The following TNK2 variants were observed in gnomAD, a reference collection of about 807,000 sequenced individuals.
The protein encoded by TNK2 is tyrosine kinase non receptor 2.
Under a neutral mutation model 101.8 loss-of-function variants are expected in TNK2, and 83 were observed. The ratio of observed to expected loss-of-function variants is 0.82; its 90% CI spans 0.68 to 0.98. The LOEUF (loss-of-function observed/expected upper bound fraction) is 0.98. TNK2 is among the 50% of genes least tolerant of loss of function. The pLI is 0.00. For synonymous variants in TNK2, 804 were observed against 633.0 expected (o/e 1.27, Z -4.06); for missense variants, 1,665 against 1,483.2 (o/e 1.12, Z -2.01).
Position 195,885,311 on chromosome 3 carries a change from T to C in TNK2, c.235-278A>G. Reference sequence around the variant, plus strand: ...GGCTGAGCGGCCCCACACCCAGCTGTGTGGAGAGGGAGGGCACCGCCCAGC... The same window carrying C: ...GGCTGAGCGGCCCCACACCCAGCTGCGTGGAGAGGGAGGGCACCGCCCAGC... On this transcript the variant is annotated intron_variant, in intron 3 of 15. Transcript: ENST00000672887. This position sits in a 1 kb window ranked among gnomAD's most constrained non-coding sequence, Gnocchi z 4.7. 3.7e-6 allele frequency: 5 copies of C among 1,362,390 alleles called. No homozygotes were observed. Among genetic ancestry groups the C allele is most frequent in the Non-Finnish European group, 4.8e-6 (5 of 1,037,902 alleles). The allele number at this position is 1,362,390 out of a possible 1,614,324, so 84.4% of individuals were successfully genotyped here.
intron 1 of TNK2, chr3:195,895,144 C>G: frequency 8.6e-7 from 1 of 1,163,266 alleles, no homozygotes; most frequent in East Asian, 3.1e-5. Context: ...CAGACACTCT[C>G]ACTCCTGAGG....
At chr3:195,889,879 A>T (rs533189638) in intron 1 of TNK2, among the ~76,000 whole-genome samples, 1 of 152,170 alleles carries the variant, frequency 6.6e-6, no homozygotes, top group Non-Finnish European at 1.5e-5. Context: ...GAGAGAAAAA[A>T]GGCCAGCTGC....
chr3:195,883,371 C>G, intron 4 of TNK2, 62 bp from the exon 5 acceptor site: 4 of 1,589,474 alleles, frequency 2.5e-6, no homozygotes, highest in Non-Finnish European at 3.4e-6. Flanking sequence ...GCGGAGCCAA[C>G]CTGCTCCACC....
At chr3:195,902,447 A>G (rs1298220814) in intron 1 of TNK2, among the ~76,000 whole-genome samples, 1 of 151,952 alleles carries the variant, frequency 6.6e-6, no homozygotes, top group Admixed American at 6.6e-5. Context: ...GTGAAACCCC[A>G]TCTCTACTAA....
chr3:195,904,740 A>C (rs993203816), intron 1 of TNK2, among the ~76,000 whole-genome samples: 1 of 152,264 alleles, frequency 6.6e-6, no homozygotes, highest in African/African-American at 2.4e-5. Context: ...AGGAAAAACC[A>C]GTATCATTTA....
chr3:195,868,856 G>T, intron 12 of TNK2, 147 bp from the exon 13 acceptor site: 1 of 964,054 alleles, frequency 1.0e-6, no homozygotes, highest in Non-Finnish European at 1.5e-6. Flanking sequence ...AGCCACCGGC[G>T]GCCAGGTTCT....
intron 6 of TNK2, among the ~76,000 whole-genome samples, chr3:195,880,031 C>T (rs1751519043): frequency 6.6e-6 from 1 of 152,128 alleles, no homozygotes; most frequent in South Asian, 2.1e-4. Flanking sequence ...GTTAAGATGA[C>T]CATGCGTCCT....
At position 195,882,831 on chromosome 3, in the gene TNK2, C is replaced by A. The variant is rs1445678800; in HGVS notation, c.609+326G>T. ...CTAGATCATGCCATTGCACTCCAGCCTGGGCGACAAAGTGAGACTCCATCT... is the reference window on the plus strand; with the variant it reads ...CTAGATCATGCCATTGCACTCCAGCATGGGCGACAAAGTGAGACTCCATCT... On this transcript the variant is annotated intron_variant, in intron 5 of 15. Coordinates refer to ENST00000672887, the MANE Select transcript of TNK2 (RefSeq NM_001382273.1). This position sits in a 1 kb window ranked among gnomAD's most constrained non-coding sequence, Gnocchi z 4.2. 6.6e-6 allele frequency among the ~76,000 whole-genome samples: 1 copy of A among 152,198 alleles called. No homozygotes were observed. Among genetic ancestry groups the A allele is most frequent in the South Asian group, 2.1e-4 (1 of 4,828 alleles).
intron 10 of TNK2, 21 bp from the exon 11 acceptor site, chr3:195,870,226 T>C (rs1744077547): frequency 3.7e-6 from 6 of 1,600,484 alleles, no homozygotes; most frequent in Non-Finnish European, 5.1e-6. Flanking sequence ...GAGAGCTGGG[T>C]CAAGAGAGCA....
rs1187598943 is a variant in TNK2, at chr3:195,870,103, G to C, written c.1543+11C>G. ...TGAGTTAGGGACACCAGGGAGCAGA[G>C]GGGCTCTTACTTTTCACCCCTCCTA... On this transcript the variant is annotated intron_variant, in intron 11 of 15. Transcript: ENST00000672887. The C allele has an allele frequency of 6.9e-7, 1 of 1,454,212 alleles. No individual in the cohort carries two copies. The highest frequency in any genetic ancestry group is 1.4e-5 in the African/African-American group (1 of 69,880). 90.1% of individuals were successfully genotyped at this position (1,454,212 alleles called of 1,614,324 possible).
rs747276199 is a variant in TNK2 at position 195,868,214 on chromosome 3, G to A, written c.2084C>T (p.Pro695Leu). The change falls in exon 13 of 16, where the codon CCC becomes CTC. Residue 695 changes from proline to leucine, a missense_variant. Pro to Leu is a moderately conservative substitution (Grantham distance 98). Around this residue, in one of 3 missense-constraint regions of TNK2, gnomAD observed 1,136 missense variants for 894.9 expected, o/e 1.27. Coordinates refer to ENST00000672887, the MANE Select transcript of TNK2 (RefSeq NM_001382273.1). ...YAFVPEQARP[P>L]PPLEDNLFLP... ...GAACAGGTTGTCCTCCAGGGGAGGG[G>A]GCGGCCGCGCCTGCTCAGGCACAAA... The A allele has an allele frequency of 1.2e-6, 2 of 1,607,260 alleles. No individual in the cohort carries two copies. Among genetic ancestry groups the A allele is most frequent in the Non-Finnish European group, 1.7e-6 (2 of 1,179,002 alleles).
chr3:195,876,954 C>G (rs1749733058), intron 9 of TNK2, among the ~76,000 whole-genome samples: 1 of 152,210 alleles, frequency 6.6e-6, no homozygotes, highest in Admixed American at 6.5e-5. Flanking sequence ...TGGTAAAGAT[C>G]TGGGGCTCCG....
At chr3:195,875,518 G>C (rs960551209) in intron 9 of TNK2, among the ~76,000 whole-genome samples, 6 of 151,868 alleles carry the variant, frequency 4.0e-5, no homozygotes, top group Non-Finnish European at 5.9e-5. Context: ...TCATCCCAAG[G>C]CTCCAGTGGG....
rs1743420488 is a variant in TNK2, at chr3:195,869,538, TC to T, written c.1546del (p.Glu516SerfsTer21). On this transcript the variant is annotated frameshift_variant and splice_region_variant, in exon 12 of 16. Transcript: ENST00000672887. LOFTEE classifies it high-confidence loss of function. ...PPQHLGGVKR[E>X]PPPRPPQPAF... ...AGGCTGAGGTGGGCGAGGTGGAGGC[TC>T]CCCTGCAAGAAAGGCCATGCGGACA... The T allele has an allele frequency of 1.3e-6, 2 of 1,550,702 alleles. No homozygotes were observed. Among genetic ancestry groups the T allele is most frequent in the Non-Finnish European group, 8.7e-7 (1 of 1,146,914 alleles).
chr3:195,904,406 T>TAGGCCGAGGTGAAATAAGCC (rs1432897924), intron 1 of TNK2, among the ~76,000 whole-genome samples: 1 of 152,046 alleles, frequency 6.6e-6, no homozygotes, highest in African/African-American at 2.4e-5. Flanking sequence ...TTGAATACGC[T>TAGGCCGAGGTGAAATAAGCC]AGGCCGAGGT....
chr3:195,871,889 T>TTCCCCTGGAGAACGCTCCCCGGAGAACCC (rs1272898413), intron 10 of TNK2, among the ~76,000 whole-genome samples: 9 of 147,130 alleles, frequency 6.1e-5, no homozygotes, highest in Non-Finnish European at 1.4e-4. Flanking sequence ...AGGGACAGCA[T>TTCCCCTGGAGAACGCTCCCCGGAGAACCC]TCCCCTGGAG....
In TNK2 at chr3:195,868,951, CCGT is replaced by C. The variant is rs2149248471; in HGVS notation, c.1589-245_1589-243del. The C allele has an allele frequency of 1.3e-5, 7 of 550,056 alleles. No individual in the cohort carries two copies. In the East Asian group the frequency reaches 1.9e-4, roughly 15 times the overall value. The allele number at this position is 550,056 out of a possible 1,614,324, so 34.1% of individuals were successfully genotyped here. ...GTGGGCCGGTGAGCCCCGCCTCGCTCCGTCTAAGCTGCAGCAAGCAACACTGGC... is the reference window on the plus strand; with the variant it reads ...GTGGGCCGGTGAGCCCCGCCTCGCTCCTAAGCTGCAGCAAGCAACACTGGC... On this transcript the variant is annotated intron_variant, in intron 12 of 15. Transcript: ENST00000672887.
chr3:195,894,467 G>A (rs1207034672), intron 1 of TNK2: 1 of 151,432 alleles, frequency 6.6e-6, no homozygotes, highest in Non-Finnish European at 1.5e-5. Flanking sequence ...CCAGGCTTGA[G>A]TGCAGTGGCG....
chr3:195,869,749 G>C, intron 11 of TNK2: 1 of 615,608 alleles, frequency 1.6e-6, no homozygotes, highest in Admixed American at 2.7e-5. Flanking sequence ...GCAGAGGACC[G>C]GGAGATGGAG....
Sources: allele counts gnomAD v4.1 joint callset (sites outside exome capture counted in the v4.1 genomes callset), GRCh38; gene constraint gnomAD v4.1.1; regional missense constraint gnomAD v4.1.1; non-coding constraint Gnocchi (gnomAD v3.1); transcripts MANE v1.5; gene names NCBI Gene and HGNC (gene_info 2026-07-23, HGNC 2026-07-21).